CCDC150: variants seen among roughly 807,000 people sequenced by gnomAD.
CCDC150 encodes the protein coiled-coil domain-containing protein 150.
Under a neutral mutation model 156.5 loss-of-function variants are expected in CCDC150, and 151 were observed. The ratio of observed to expected loss-of-function variants is 0.97; its 90% CI spans 0.85 to 1.10. The LOEUF is 1.10. Among genes scored for constraint, CCDC150 ranks in the 50% least tolerant of loss-of-function variants. The pLI, the probability that CCDC150 is intolerant of heterozygous loss-of-function variation, is 0.00. For synonymous variants in CCDC150, 452 were observed against 429.4 expected, an observed-to-expected ratio of 1.05 and a Z score of -0.65; for missense variants, 1,312 against 1,268.1, an observed-to-expected ratio of 1.03 and a Z score of -0.53.
intron 4 of CCDC150, 90 bp downstream of exon 4, chr2:196,657,226 G>A (rs1575766029): frequency 1.7e-5 from 21 of 1,254,798 alleles, no homozygotes; most frequent in Non-Finnish European, 1.9e-5. Context: ...TTAAAAATAG[G>A]TGATGTTGAT....
rs546914939 is a variant in CCDC150, at chr2:196,662,032, C to T, written c.645+3172C>T. Among the ~76,000 whole-genome samples, 4 of 152,212 alleles carry T rather than the reference C, an allele frequency of 2.6e-5. No individual in the cohort carries two copies. The South Asian group carries it at 8.3e-4, about 32-fold the overall frequency. On this transcript the variant is annotated intron_variant, in intron 5 of 27. Transcript: ENST00000389175. Reference sequence around the variant, plus strand: ...AGTTGATGTCCTGGGTATTTTGAAACTTTCAAGGAATAAATTATATCTTGA... The same window carrying T: ...AGTTGATGTCCTGGGTATTTTGAAATTTTCAAGGAATAAATTATATCTTGA...
intron 5 of CCDC150, among the ~76,000 whole-genome samples, chr2:196,664,195 T>C (rs1693713296): frequency 6.6e-6 from 1 of 152,072 alleles, no homozygotes; most frequent in Non-Finnish European, 1.5e-5. Context: ...ACCAGTTGAG[T>C]GTCCTGTAAT....
chr2:196,723,239 A>G (rs1698025292), intron 21 of CCDC150, among the ~76,000 whole-genome samples: 1 of 152,336 alleles, frequency 6.6e-6, no homozygotes, highest in Admixed American at 6.5e-5. Flanking sequence ...GCGGTGGCTC[A>G]CACCTGTAAT....
intron 21 of CCDC150, 149 bp downstream of exon 21, chr2:196,721,840 G>A (rs1306051100): frequency 5.0e-6 from 3 of 604,392 alleles, no homozygotes; most frequent in Non-Finnish European, 8.5e-6. Flanking sequence ...TAAGAACCAG[G>A]CATACCTGAG....
At chr2:196,709,446 G>A (rs527792643) in intron 15 of CCDC150, among the ~76,000 whole-genome samples, 2 of 152,186 alleles carry the variant, frequency 1.3e-5, no homozygotes, top group Non-Finnish European at 1.5e-5. Flanking sequence ...CAATGGGTTC[G>A]AACATCCTCC....
intron 22 of CCDC150, 26 bp from the exon 23 acceptor site, chr2:196,729,167 T>C: frequency 6.4e-7 from 1 of 1,569,624 alleles, no homozygotes; most frequent in South Asian, 1.2e-5. Flanking sequence ...GTAAAAATGT[T>C]TCAATTTTCT....
intron 15 of CCDC150, among the ~76,000 whole-genome samples, chr2:196,705,335 G>C (rs1293673382): frequency 3.3e-5 from 5 of 152,136 alleles, no homozygotes; most frequent in Non-Finnish European, 7.3e-5. Flanking sequence ...TGTGTCTGTT[G>C]GCTGCATAAA....
At chr2:196,696,327 T>A (rs1317064490) in intron 14 of CCDC150, among the ~76,000 whole-genome samples, 1 of 152,024 alleles carries the variant, frequency 6.6e-6, no homozygotes, top group East Asian at 1.9e-4. Context: ...CCTATTGGAA[T>A]GACAAGATCC....
intron 4 of CCDC150, 88 bp from the exon 5 acceptor site, chr2:196,658,704 A>G: frequency 1.1e-6 from 1 of 945,972 alleles, no homozygotes; most frequent in Admixed American, 2.8e-5. Flanking sequence ...GGTTGCCAGA[A>G]AAAAACCTGA....
intron 15 of CCDC150, among the ~76,000 whole-genome samples, chr2:196,704,759 T>C (rs189378799): frequency 6.6e-6 from 1 of 152,116 alleles, no homozygotes; most frequent in Non-Finnish European, 1.5e-5. Flanking sequence ...GTCCAGGTGT[T>C]GATGTTGTTC....
At chr2:196,709,138 A>G (rs767611350) in intron 15 of CCDC150, among the ~76,000 whole-genome samples, 1 of 152,180 alleles carries the variant, frequency 6.6e-6, no homozygotes, top group Non-Finnish European at 1.5e-5. Context: ...TTTCAGGTAC[A>G]CCAATCAAAC....
At chr2:196,644,070 G>T (rs932313135) in intron 1 of CCDC150, among the ~76,000 whole-genome samples, 2 of 152,014 alleles carry the variant, frequency 1.3e-5, no homozygotes, top group Non-Finnish European at 2.9e-5. Flanking sequence ...ATTGTAAGGG[G>T]GTAGGAAAAG....
At chr2:196,669,182 A>C (rs926057872) in intron 7 of CCDC150, among the ~76,000 whole-genome samples, 1 of 152,188 alleles carries the variant, frequency 6.6e-6, no homozygotes, top group Non-Finnish European at 1.5e-5. Context: ...CCAGTATCTT[A>C]CTGCCAACTA....
chr2:196,713,436 G>A, intron 17 of CCDC150: 2 of 1,550,816 alleles, frequency 1.3e-6, no homozygotes, highest in East Asian at 4.9e-5. Context: ...CATGTAAACA[G>A]TATAAAGGAA....
intron 1 of CCDC150, among the ~76,000 whole-genome samples, chr2:196,642,353 T>A (rs572531790): frequency 6.6e-6 from 1 of 151,782 alleles, no homozygotes; most frequent in African/African-American, 2.4e-5. Flanking sequence ...CATTGGAGAG[T>A]GTGCGTGTAT....
intron 13 of CCDC150, among the ~76,000 whole-genome samples, chr2:196,684,017 T>G (rs1694989723): frequency 6.6e-6 from 1 of 152,004 alleles, no homozygotes; most frequent in Non-Finnish European, 1.5e-5. Context: ...GTTACCTTCT[T>G]TATGTTTGCT....
At chr2:196,692,879 C>T (rs1469993956) in intron 13 of CCDC150, among the ~76,000 whole-genome samples, 1 of 152,054 alleles carries the variant, frequency 6.6e-6, no homozygotes, top group Non-Finnish European at 1.5e-5. Context: ...TATCTTTGTT[C>T]ATTTTGTGTC....
intron 5 of CCDC150, among the ~76,000 whole-genome samples, chr2:196,662,072 C>G (rs898709104): frequency 1.3e-5 from 2 of 151,862 alleles, no homozygotes; most frequent in Non-Finnish European, 2.9e-5. Context: ...ATTATAGTAC[C>G]TAATTTGATA....
At chr2:196,684,839 A>G (rs1421904578) in intron 13 of CCDC150, among the ~76,000 whole-genome samples, 2 of 152,046 alleles carry the variant, frequency 1.3e-5, no homozygotes, top group Non-Finnish European at 2.9e-5. Context: ...TATTTTGTCT[A>G]ATATTAGTAC....
Sources: gnomAD v4.1 joint callset for allele counts (sites outside exome capture counted in the v4.1 genomes callset) on GRCh38, gnomAD v4.1.1 for gene constraint, MANE v1.5 for transcripts, NCBI Gene and HGNC (gene_info 2026-07-23, HGNC 2026-07-21) for gene names.